Variants in MAML2 observed in about 807,000 individuals in gnomAD.
MAML2 encodes mastermind like transcriptional coactivator 2.
Under a neutral mutation model 96.1 loss-of-function variants are expected in MAML2, and 22 were observed. That is an observed-to-expected ratio of 0.23 (90% CI 0.16 to 0.33). The LOEUF (loss-of-function observed/expected upper bound fraction) is 0.33, where lower values mean the gene tolerates loss of function less well. MAML2 is among the 10% of genes least tolerant of loss of function. The pLI is 1.00. For synonymous variants in MAML2, 561 were observed against 521.3 expected (o/e 1.08, Z -1.04); for missense variants, 1,367 against 1,392.4 (o/e 0.98, Z 0.29).
chr11:96,049,204 A>G (rs1208288457), intron 2 of MAML2, among the ~76,000 whole-genome samples: 1 of 152,218 alleles, frequency 6.6e-6, no homozygotes, highest in Non-Finnish European at 1.5e-5. Context: ...CAGAACTGGC[A>G]TACTATGCTC....
At chr11:96,030,330 G>C (rs1178483056) in intron 2 of MAML2, among the ~76,000 whole-genome samples, 1 of 152,004 alleles carries the variant, frequency 6.6e-6, no homozygotes, top group Non-Finnish European at 1.5e-5. Flanking sequence ...TACTCTACCA[G>C]GTATGTGATG....
chr11:96,180,030 G>A (rs954397434), intron 1 of MAML2, among the ~76,000 whole-genome samples: 3 of 152,188 alleles, frequency 2.0e-5, no homozygotes, highest in Non-Finnish European at 2.9e-5. Context: ...AGGTCCATTC[G>A]AAACTAAGAA....
chr11:96,290,359 G>C (rs993416821), intron 1 of MAML2, among the ~76,000 whole-genome samples: 1 of 152,194 alleles, frequency 6.6e-6, no homozygotes, highest in Non-Finnish European at 1.5e-5. Context: ...AATAGTAATT[G>C]ATGCTGCTGC....
intron 2 of MAML2, among the ~76,000 whole-genome samples, chr11:96,009,088 T>C (rs1222112149): frequency 1.3e-5 from 2 of 152,208 alleles, no homozygotes; most frequent in Non-Finnish European, 2.9e-5. Context: ...TTGAGTTCTT[T>C]GGAGGCAAAA....
At chr11:96,312,219 CAAAAAAAAAA>C (rs34658278) in intron 1 of MAML2, among the ~76,000 whole-genome samples, 14 of 51,554 alleles carry the variant, frequency 2.7e-4, no homozygotes, top group East Asian at 7.1e-4. Flanking sequence ...GACTCTATCT[CAAAAAAAAAA>C]AAAAAAAAAA....
intron 1 of MAML2, among the ~76,000 whole-genome samples, chr11:96,219,665 A>T (rs1473395731): frequency 6.6e-6 from 1 of 152,118 alleles, no homozygotes; most frequent in Non-Finnish European, 1.5e-5. Flanking sequence ...TCACTCTGTC[A>T]TGTAGGCTGG....
At chr11:96,192,398 G>A (rs1861666204) in intron 1 of MAML2, among the ~76,000 whole-genome samples, 1 of 152,214 alleles carries the variant, frequency 6.6e-6, no homozygotes, top group Non-Finnish European at 1.5e-5. Context: ...TTGTGTCCCA[G>A]GAAGAAGGAG....
chr11:96,144,301 T>C (rs939005598), intron 1 of MAML2, among the ~76,000 whole-genome samples: 18 of 152,210 alleles, frequency 1.2e-4, no homozygotes, highest in African/African-American at 4.3e-4. Context: ...TTTTATAATG[T>C]AGTTAAGAAT....
chr11:96,275,761 T>G (rs750958124), intron 1 of MAML2, among the ~76,000 whole-genome samples: 2 of 152,208 alleles, frequency 1.3e-5, no homozygotes, highest in African/African-American at 2.4e-5. Flanking sequence ...AAATATTTCC[T>G]TATCCTACAA....
intron 1 of MAML2, among the ~76,000 whole-genome samples, chr11:96,131,933 C>A (rs1442123161): frequency 6.6e-6 from 1 of 152,138 alleles, no homozygotes; most frequent in Non-Finnish European, 1.5e-5. Context: ...TCTCTTGAAC[C>A]CAGGAGGTAG....
intron 1 of MAML2, among the ~76,000 whole-genome samples, chr11:96,212,151 G>GTGTGTGTGT (rs1565250408): frequency 1.9e-5 from 2 of 107,132 alleles, no homozygotes; most frequent in Non-Finnish European, 4.3e-5. Flanking sequence ...GTGTGTGTGT[G>GTGTGTGTGT]GAAGGGGGAC....
intron 1 of MAML2, among the ~76,000 whole-genome samples, chr11:96,109,122 A>T (rs1016806016): frequency 2.0e-5 from 3 of 152,170 alleles, no homozygotes; most frequent in African/African-American, 7.2e-5. Context: ...AAATGTATTC[A>T]GTAGAGGAAA....
chr11:95,991,523 G>T lies in MAML2; in HGVS notation c.2340C>A (p.Asp780Glu). The T allele has an allele frequency of 1.2e-6, 2 of 1,613,444 alleles. No individual in the cohort carries two copies. The highest frequency in any genetic ancestry group is 8.5e-7 in the Non-Finnish European group (1 of 1,179,474). The change falls in exon 3 of 5, where the codon GAC becomes GAA. Residue 780 changes from aspartate (D) to glutamate (E), a missense_variant. Transcript: ENST00000524717. Reference sequence around the variant, plus strand: ...AGAAATTAAGAGAAAGTTTTACCGCGTCAGCCAGCATCTGCTGCTGGAGAA... The same window carrying T: ...AGAAATTAAGAGAAAGTTTTACCGCTTCAGCCAGCATCTGCTGCTGGAGAA... ...QLLLQQQMLADAEKIAPQDQI... is the reference protein window; with the variant it reads ...QLLLQQQMLAEAEKIAPQDQI...
intron 2 of MAML2, among the ~76,000 whole-genome samples, chr11:96,005,815 A>G (rs1021173726): frequency 6.6e-6 from 1 of 152,210 alleles, no homozygotes; most frequent in African/African-American, 2.4e-5. Context: ...AAAAGAATAC[A>G]AAATATTTTG....
intron 1 of MAML2, among the ~76,000 whole-genome samples, chr11:96,307,372 G>C (rs1863478855): frequency 6.6e-6 from 1 of 152,162 alleles, no homozygotes; most frequent in Admixed American, 6.5e-5. Flanking sequence ...TACTGTAAAG[G>C]AAGAGTGAGA....
At chr11:96,076,553 G>C (rs138805260) in intron 2 of MAML2, among the ~76,000 whole-genome samples, 2 of 151,802 alleles carry the variant, frequency 1.3e-5, no homozygotes, top group Admixed American at 6.6e-5. Context: ...GGGAAGCCTC[G>C]GCATCTGAAT....
At chr11:96,200,909 T>C (rs1165908910) in intron 1 of MAML2, among the ~76,000 whole-genome samples, 2 of 152,070 alleles carry the variant, frequency 1.3e-5, no homozygotes, top group Non-Finnish European at 2.9e-5. Context: ...GTAAAGACAA[T>C]TCTATATAAC....
chr11:95,978,813 AC>A lies in MAML2; in HGVS notation c.*134del. ...GACCAAAATGTTCATCACTGCAGTT[AC>A]TTTCTGCTTTCCATTTTTAAGCATG... On this transcript the variant is annotated 3_prime_UTR_variant, in exon 5 of 5. Transcript: ENST00000524717. 2 of 803,406 alleles carry A rather than the reference AC, an allele frequency of 2.5e-6. No homozygotes were observed. The highest frequency in any genetic ancestry group is 2.0e-5 in the South Asian group (1 of 51,048). 49.8% of individuals were successfully genotyped at this position (803,406 alleles called of 1,614,324 possible). A position where few individuals can be genotyped will look rare whatever the true frequency, so the allele number is the denominator to read the frequency against.
chr11:96,101,516 T>C (rs373793496), intron 1 of MAML2, among the ~76,000 whole-genome samples: 15 of 152,328 alleles, frequency 9.8e-5, no homozygotes, highest in African/African-American at 3.4e-4. Context: ...CAACTGCCAA[T>C]AAACCTGGGT....
Sources: allele counts gnomAD v4.1 joint callset (sites outside exome capture counted in the v4.1 genomes callset), GRCh38; gene constraint gnomAD v4.1.1; transcripts MANE v1.5; gene names NCBI Gene and HGNC (gene_info 2026-07-23, HGNC 2026-07-21).